The following CRIM1 variants were observed in gnomAD, a reference collection of about 807,000 sequenced individuals.
The protein encoded by CRIM1 is cysteine rich transmembrane BMP regulator 1, also known as cysteine-rich motor neuron 1 protein.
CRIM1 carries 32 observed loss-of-function variants against 116.4 expected under a neutral mutation model. That is an observed-to-expected ratio of 0.27 (90% confidence interval 0.21 to 0.37). The LOEUF (loss-of-function observed/expected upper bound fraction) is 0.37, where lower values mean the gene tolerates loss of function less well. Ranked by LOEUF, CRIM1 falls within the 10% of genes least tolerant of loss-of-function variation. The pLI is 1.00. For missense variants in CRIM1, 1,331 were observed against 1,354.8 expected, an observed-to-expected ratio of 0.98 and a Z score of 0.28; for synonymous variants, 590 against 509.2, an observed-to-expected ratio of 1.16 and a Z score of -2.13.
At chr2:36,495,946 C>G (rs1045380279) in intron 7 of CRIM1, among the ~76,000 whole-genome samples, 15 of 152,126 alleles carry the variant, frequency 9.9e-5, no homozygotes, top group African/African-American at 3.6e-4. Flanking sequence ...TCTAACTACT[C>G]TGGCTATGGT....
chr2:36,441,464 C>T lies in CRIM1; in HGVS notation c.712C>T (p.Pro238Ser). The change falls in exon 3 of 17, where the codon CCG (proline) becomes TCG (serine). Residue 238 changes from proline to serine, a missense_variant. Pro to Ser is a moderately conservative substitution (Grantham distance 74). Around this residue, in one of 3 missense-constraint regions of CRIM1, gnomAD observed 690 missense variants for 676.0 expected, o/e 1.02. Transcript: ENST00000280527. ...ACTAGTGTCAAAAGCCTCAGGGAAGCCGGGAGAGTGCTGTGACCTCTATGA... is the reference window on the plus strand; with the variant it reads ...ACTAGTGTCAAAAGCCTCAGGGAAGTCGGGAGAGTGCTGTGACCTCTATGA... Reference protein sequence around the residue: ...NILVSKASGKPGECCDLYECK... With the variant: ...NILVSKASGKSGECCDLYECK... 6.2e-7 allele frequency: 1 copy of T among 1,613,110 alleles called. No individual in the cohort carries two copies. The highest frequency in any genetic ancestry group is 8.5e-7 in the Non-Finnish European group (1 of 1,180,024).
intron 14 of CRIM1, among the ~76,000 whole-genome samples, chr2:36,538,506 C>G (rs1372175585): frequency 6.6e-6 from 1 of 152,192 alleles, no homozygotes; most frequent in Non-Finnish European, 1.5e-5. Flanking sequence ...ATACAGGGAG[C>G]TGGGAACCAT....
At chr2:36,390,514 A>G (rs1367245708) in intron 1 of CRIM1, among the ~76,000 whole-genome samples, 2 of 152,110 alleles carry the variant, frequency 1.3e-5, no homozygotes, top group Admixed American at 6.6e-5. Context: ...TTCATGTGGA[A>G]CGGTGTTACC....
At chr2:36,428,607 T>C (rs764976401) in intron 2 of CRIM1, among the ~76,000 whole-genome samples, 5 of 152,250 alleles carry the variant, frequency 3.3e-5, no homozygotes, top group Admixed American at 6.5e-5. Context: ...CAACTTATTA[T>C]AGTGTCTCTT....
chr2:36,397,186 A>C (rs115691652), intron 2 of CRIM1, among the ~76,000 whole-genome samples: 1 of 152,236 alleles, frequency 6.6e-6, no homozygotes. Context: ...TTATCTCTTT[A>C]GCAGAAATGG....
intron 1 of CRIM1, among the ~76,000 whole-genome samples, chr2:36,362,214 CTG>C (rs3834156): frequency 0.12 from 18,450 of 152,012 alleles, 2,196 homozygotes; most frequent in East Asian, 0.45. Context: ...TTTTGCAAGT[CTG>C]TGTATGATTA....
At chr2:36,359,557 A>G (rs1218617922) in intron 1 of CRIM1, among the ~76,000 whole-genome samples, 1 of 152,176 alleles carries the variant, frequency 6.6e-6, no homozygotes, top group Admixed American at 6.5e-5. Flanking sequence ...GTAAAAGTAC[A>G]TTGAACAAAC....
At chr2:36,507,771 C>A (rs973222871) in intron 8 of CRIM1, among the ~76,000 whole-genome samples, 1 of 152,194 alleles carries the variant, frequency 6.6e-6, no homozygotes, top group African/African-American at 2.4e-5. Flanking sequence ...GGAGACACAA[C>A]AGTTTTCTTT....
chr2:36,381,447 G>C (rs1343820765), intron 1 of CRIM1, among the ~76,000 whole-genome samples: 1 of 152,226 alleles, frequency 6.6e-6, no homozygotes, highest in Non-Finnish European at 1.5e-5. Context: ...TGCCAGAGCA[G>C]TTGGGGTGAG....
At chr2:36,439,498 G>T (rs576070540) in intron 2 of CRIM1, among the ~76,000 whole-genome samples, 4 of 152,144 alleles carry the variant, frequency 2.6e-5, no homozygotes, top group East Asian at 1.9e-4. Context: ...GTTCTAAATC[G>T]CCAGGTACCC....
intron 2 of CRIM1, among the ~76,000 whole-genome samples, chr2:36,422,001 A>C (rs139774480): frequency 6.6e-6 from 1 of 151,980 alleles, no homozygotes; most frequent in South Asian, 2.1e-4. Flanking sequence ...TTGCTAAAAC[A>C]TAAGCTTAAA....
In CRIM1 at chr2:36,479,523, G is replaced by C; in HGVS notation, c.1201G>C (p.Ala401Pro). The stretch of plus-strand genomic sequence containing the variant: ...TCCAGTGTATCCTTTTAATAATCCC[G>C]CTGGCTGCTATGCCAATGGCCTGAT... ...EDPVYPFNNPAGCYANGLILA... is the reference protein window; with the variant it reads ...EDPVYPFNNPPGCYANGLILA... Residue 401 changes from alanine (A) to proline (P), a missense_variant, in exon 7 of 17, where the codon GCT (alanine) becomes CCT (proline). Physicochemically the swap from Ala to Pro is conservative, Grantham distance 27. Transcript: ENST00000280527. 1 of 1,614,178 alleles carries C rather than the reference G, an allele frequency of 6.2e-7. No individual in the cohort carries two copies. The highest frequency in any genetic ancestry group is 1.1e-5 in the South Asian group (1 of 91,086).
At chr2:36,388,063 T>A (rs1046417461) in intron 1 of CRIM1, among the ~76,000 whole-genome samples, 1 of 152,124 alleles carries the variant, frequency 6.6e-6, no homozygotes, top group Non-Finnish European at 1.5e-5. Flanking sequence ...TGTTCTTCAT[T>A]TTTAAGTATT....
At chr2:36,419,326 G>T (rs568536765) in intron 2 of CRIM1, among the ~76,000 whole-genome samples, 1 of 152,284 alleles carries the variant, frequency 6.6e-6, no homozygotes, top group Admixed American at 6.5e-5. Context: ...TACTTCTTTG[G>T]ACAGTTGTGA....
At chr2:36,466,911 C>T (rs1191414124) in intron 5 of CRIM1, among the ~76,000 whole-genome samples, 5 of 152,048 alleles carry the variant, frequency 3.3e-5, no homozygotes, top group Non-Finnish European at 7.4e-5. Flanking sequence ...CCGGAGTGCC[C>T]TTCTTCTCTC....
intron 4 of CRIM1, among the ~76,000 whole-genome samples, chr2:36,448,796 T>C (rs1341998416): frequency 2.6e-5 from 4 of 152,174 alleles, no homozygotes; most frequent in Admixed American, 1.3e-4. Context: ...AAGGTAGAAA[T>C]AAATTAAGTC....
intron 2 of CRIM1, among the ~76,000 whole-genome samples, chr2:36,406,633 C>CCCA (rs1558548535): frequency 4.2e-5 from 5 of 118,214 alleles, no homozygotes; most frequent in African/African-American, 7.1e-5. Context: ...CCCCCCCCCC[C>CCCA]AAAAAAAAAC....
At chr2:36,500,398 G>C (rs1211396228) in intron 8 of CRIM1, among the ~76,000 whole-genome samples, 2 of 152,184 alleles carry the variant, frequency 1.3e-5, no homozygotes, top group Non-Finnish European at 2.9e-5. Flanking sequence ...GTTTGCATTA[G>C]CTCCTTGAAT....
intron 2 of CRIM1, among the ~76,000 whole-genome samples, chr2:36,409,607 G>C (rs539446695): frequency 1.3e-5 from 2 of 152,282 alleles, no homozygotes; most frequent in African/African-American, 4.8e-5. Context: ...AATGAGGGTA[G>C]AGCAGCCATA....
Sources: allele counts gnomAD v4.1 joint callset (sites outside exome capture counted in the v4.1 genomes callset), GRCh38; gene constraint gnomAD v4.1.1; regional missense constraint gnomAD v4.1.1; transcripts MANE v1.5; gene names NCBI Gene and HGNC (gene_info 2026-07-23, HGNC 2026-07-21).